The following CCHCR1 variants were observed in gnomAD, a reference collection of about 807,000 sequenced individuals.
The protein encoded by CCHCR1 is coiled-coil alpha-helical rod protein 1.
Under a neutral mutation model 114.6 loss-of-function variants are expected in CCHCR1, and 91 were observed. The observed-to-expected ratio is 0.79, with a 90% CI of 0.67 to 0.94. The LOEUF (loss-of-function observed/expected upper bound fraction) is 0.94. CCHCR1 is among the 40% of genes least tolerant of loss of function. CCHCR1 has a pLI of 0.00. For missense variants in CCHCR1, 899 were observed against 1,079.9 expected (o/e 0.83, Z 2.35); for synonymous variants, 379 against 428.5 (o/e 0.88, Z 1.43).
At position 31,144,367 on chromosome 6, in the gene CCHCR1, G is replaced by C. The variant is rs1056887207; in HGVS notation, c.2167+320C>G. Among the ~76,000 whole-genome samples, 1 of 152,022 alleles carries C rather than the reference G, an allele frequency of 6.6e-6. No individual in the cohort carries two copies. Among genetic ancestry groups the C allele is most frequent in the Non-Finnish European group, 1.5e-5 (1 of 68,012 alleles). On this transcript the variant is annotated intron_variant, in intron 15 of 17. Coordinates refer to ENST00000396268, the MANE Select transcript of CCHCR1 (RefSeq NM_001105564.2). This position sits in a 1 kb window ranked among gnomAD's most constrained non-coding sequence, Gnocchi z 4.6. ...CCACCACCAGGCCTAGCTAATTTTT[G>C]TATTTTTAGTCGAGACAGGGTTTCG... is the stretch of plus-strand genomic sequence containing the variant.
chr6:31,157,408 C>T lies in CCHCR1; in HGVS notation c.193G>A (p.Asp65Asn), dbSNP rs750706102. 1 of 1,613,002 alleles carries T rather than the reference C, an allele frequency of 6.2e-7. No homozygotes were observed. The highest frequency in any genetic ancestry group is 8.5e-7 in the Non-Finnish European group (1 of 1,179,990). Residue 65 changes from aspartate (D) to asparagine (N), a missense_variant, in exon 1 of 18, where the codon GAC becomes AAC. Asp to Asn is a conservative substitution (Grantham distance 23). Transcript: ENST00000396268. ...ACCCTCCTCCTTAAGTTTCTATGGT[C>T]CCTGCTGCTCCTGGCCAGAGGTGAG... ...PFSPLARSSRDHRNLRRRGNI... is the reference protein window; with the variant it reads ...PFSPLARSSRNHRNLRRRGNI...
At chr6:31,148,595 G>A in intron 9 of CCHCR1, 23 bp downstream of exon 9, 1 of 1,600,910 alleles carries the variant, frequency 6.2e-7, no homozygotes, top group Non-Finnish European at 8.6e-7. Flanking sequence ...CCCTCCCCGA[G>A]TCTCTAGTAG....
At position 31,145,821 on chromosome 6, in the gene CCHCR1, C is replaced by G. The variant is rs765597534; in HGVS notation, c.1581-13G>C. On this transcript the variant is annotated splice_polypyrimidine_tract_variant and intron_variant, in intron 10 of 17. Transcript: ENST00000396268. ...CCAGATCTGAGAGCTGGAGAGGGCACAAGTCACTGATCCTCCATGCCTCCC... is the reference window on the plus strand; with the variant it reads ...CCAGATCTGAGAGCTGGAGAGGGCAGAAGTCACTGATCCTCCATGCCTCCC... The G allele has an allele frequency of 1.3e-6, 2 of 1,539,146 alleles. No individual in the cohort carries two copies. Among genetic ancestry groups the G allele is most frequent in the Non-Finnish European group, 9.0e-7 (1 of 1,112,868 alleles).
At position 31,150,242 on chromosome 6, in the gene CCHCR1, T is replaced by C. The variant is rs1265112; in HGVS notation, c.1213-27A>G. 0.3 allele frequency: 488,806 copies of C among 1,609,614 alleles called. 76,978 individuals are homozygous for C. Among genetic ancestry groups the C allele is most frequent in the Middle Eastern group, 0.34 (1,970 of 5,814 alleles). ...TGAGGGAGAAGGAGTGGGAGAAAAG[T>C]GTGGGCTCCTGGGGGAGGAGAGGAA... On this transcript the variant is annotated intron_variant, in intron 7 of 17. Coordinates refer to ENST00000396268, the MANE Select transcript of CCHCR1 (RefSeq NM_001105564.2). The surrounding 1 kb of genome is among the most constrained non-coding windows in gnomAD (Gnocchi z 5.3).
rs1217711449 is a variant in CCHCR1 at position 31,154,708 on chromosome 6, C to T, written c.589G>A (p.Val197Ile). The stretch of plus-strand genomic sequence containing the variant: ...AGCGAGGTCTCCCGCAGGAGCCGGA[C>T]CTCCTCCTCCAGCCGCCGCAGCTCT... ...LQELRRLEEE[V>I]RLLRETSLQQ... The change falls in exon 4 of 18, where the codon GTC becomes ATC. Residue 197 changes from valine to isoleucine, a missense_variant. By Grantham distance (29) the Val-to-Ile change is conservative. Transcript: ENST00000396268. The surrounding 1 kb of genome is among the most constrained non-coding windows in gnomAD (Gnocchi z 4.1). 7.5e-6 allele frequency: 12 copies of T among 1,609,138 alleles called. No individual in the cohort carries two copies. The highest frequency in any genetic ancestry group is 1.6e-4 in the Middle Eastern group (1 of 6,082).
chr6:31,157,898 A>C (rs1776328184), upstream of CCHCR1: 1 of 486,074 alleles, frequency 2.1e-6, no homozygotes, highest in Admixed American at 3.6e-5. Flanking sequence ...TTTCTGAAGG[A>C]ATTATTCTGG....
rs774483241 is a variant in CCHCR1, at chr6:31,156,939, T to G, written c.289A>C (p.Thr97Pro). Residue 97 changes from threonine to proline, a missense_variant, in exon 3 of 18, where the codon ACT (threonine) becomes CCT (proline). Transcript: ENST00000396268. ...AAGTGGGAGGGGGGAATCAGCCCAG[T>G]GGAACCTGAAGAATTACAAAAACAA... Reference protein sequence around the residue: ...NVEMFPPSGSTGLIPPSHFQA... With the variant: ...NVEMFPPSGSPGLIPPSHFQA... 6.2e-7 allele frequency: 1 copy of G among 1,612,746 alleles called. No individual in the cohort carries two copies. The highest frequency in any genetic ancestry group is 1.7e-5 in the Admixed American group (1 of 60,004).
Position 31,144,979 on chromosome 6 carries a change from CT to C in CCHCR1, c.1970del (p.Gln657ArgfsTer4). 1 of 1,608,834 alleles carries C rather than the reference CT, an allele frequency of 6.2e-7. No individual in the cohort carries two copies. Among genetic ancestry groups the C allele is most frequent in the East Asian group, 2.2e-5 (1 of 44,870 alleles). On this transcript the variant is annotated frameshift_variant, in exon 14 of 18. Transcript: ENST00000396268. LOFTEE classifies it high-confidence loss of function. The surrounding 1 kb of genome is among the most constrained non-coding windows in gnomAD (Gnocchi z 4.6). The stretch of plus-strand genomic sequence containing the variant: ...GCTGGCCCTGGCGTGCTACCTCCAG[CT>C]GCAGCCCCAAGCTAGCCAGGGACTC... ...TQESLASLGLQLEVARQGQQE... is the reference protein window; with the variant it reads ...TQESLASLGLXLEVARQGQQE...
chr6:31,146,646 T>C (rs1381674222), intron 10 of CCHCR1, among the ~76,000 whole-genome samples: 2 of 152,172 alleles, frequency 1.3e-5, no homozygotes, highest in Admixed American at 6.5e-5. Flanking sequence ...ATTGTTCCAG[T>C]AGATGCTTCC....
chr6:31,157,421 G>C lies in CCHCR1; in HGVS notation c.180C>G (p.Ala60=). The C allele has an allele frequency of 6.2e-7, 1 of 1,613,026 alleles. No homozygotes were observed. The highest frequency in any genetic ancestry group is 8.5e-7 in the Non-Finnish European group (1 of 1,179,988). The change falls in exon 1 of 18, where the codon GCC becomes GCG. Residue 60 remains alanine (A), a synonymous_variant. Transcript: ENST00000396268. ...AGTTTCTATGGTCCCTGCTGCTCCTGGCCAGAGGTGAGAAAGGAGGTACAC... is the reference window on the plus strand; with the variant it reads ...AGTTTCTATGGTCCCTGCTGCTCCTCGCCAGAGGTGAGAAAGGAGGTACAC... ...LHCVPPFSPL[A]RSSRDHRNLR...
intron 11 of CCHCR1, 57 bp from the exon 12 acceptor site, chr6:31,145,550 G>T: frequency 6.4e-7 from 1 of 1,562,670 alleles, no homozygotes; most frequent in South Asian, 1.1e-5. Flanking sequence ...AGAAAGTGGG[G>T]ACAGGGAGTA....
intron 8 of CCHCR1, 88 bp from the exon 9 acceptor site, chr6:31,148,816 C>G: frequency 3.5e-6 from 1 of 287,514 alleles, no homozygotes; most frequent in East Asian, 1.0e-4. Flanking sequence ...GCAGAGATCT[C>G]TGTAAGAATG....
Position 31,143,493 on chromosome 6 carries a change from C to T in CCHCR1, c.2168-80G>A, listed in dbSNP as rs1252576187. 8.1e-6 allele frequency: 12 copies of T among 1,480,834 alleles called. No individual in the cohort carries two copies. The highest frequency in any genetic ancestry group is 2.4e-5 in the South Asian group (2 of 82,978). 91.7% of individuals were successfully genotyped at this position (1,480,834 alleles called of 1,614,324 possible). A position where few individuals can be genotyped will look rare whatever the true frequency, so the allele number is the denominator to read the frequency against. On this transcript the variant is annotated intron_variant, in intron 15 of 17. Coordinates refer to ENST00000396268, the MANE Select transcript of CCHCR1 (RefSeq NM_001105564.2). The surrounding 1 kb of genome is among the most constrained non-coding windows in gnomAD (Gnocchi z 5.3). ...CAGGCACCATGAAGACAGGAACAAA[C>T]GCTGGGTCACCAACTCTGTGGCTTG...
Position 31,150,626 on chromosome 6 carries a change from C to A in CCHCR1, c.1102-61G>T. 1 of 1,590,276 alleles carries A rather than the reference C, an allele frequency of 6.3e-7. No homozygotes were observed. The highest frequency in any genetic ancestry group is 8.6e-7 in the Non-Finnish European group (1 of 1,164,448). ...TCCATGCCGCCTTAGGTACCACCTTCTCTCCCGGAGGCTGTGCTCTACACG... is the reference window on the plus strand; with the variant it reads ...TCCATGCCGCCTTAGGTACCACCTTATCTCCCGGAGGCTGTGCTCTACACG... On this transcript the variant is annotated intron_variant, in intron 6 of 17. Transcript: ENST00000396268. This position sits in a 1 kb window ranked among gnomAD's most constrained non-coding sequence, Gnocchi z 5.3.
Position 31,145,451 on chromosome 6 carries a change from TC to T in CCHCR1, c.1735del (p.Glu579ArgfsTer12). On this transcript the variant is annotated frameshift_variant, in exon 12 of 18. Coordinates refer to ENST00000396268, the MANE Select transcript of CCHCR1 (RefSeq NM_001105564.2). LOFTEE classifies it high-confidence loss of function. The stretch of plus-strand genomic sequence containing the variant: ...CCTCAAAGTGCCCAAACTTCACCTC[TC>T]CTGGCGCAGCTGAGCAAGGGCAAGC... Reference protein sequence around the residue: ...RKLALAQLRQESCPLPPPVTD... With the variant: ...RKLALAQLRQXSCPLPPPVTD... 2 of 1,614,014 alleles carry T rather than the reference TC, an allele frequency of 1.2e-6. No homozygotes were observed. The highest frequency in any genetic ancestry group is 1.7e-6 in the Non-Finnish European group (2 of 1,180,012).
Position 31,154,719 on chromosome 6 carries a change from A to G in CCHCR1, c.578T>C (p.Leu193Pro). ...IVRQLQELRRLEEEVRLLRET... is the reference protein window; with the variant it reads ...IVRQLQELRRPEEEVRLLRET... ...CCGCAGGAGCCGGACCTCCTCCTCC[A>G]GCCGCCGCAGCTCTTGCAGCTGCCG... The change falls in exon 4 of 18, where the codon CTG becomes CCG. Residue 193 changes from leucine (L) to proline (P), a missense_variant. By Grantham distance (98) the Leu-to-Pro change is moderately conservative (BLOSUM62 -3). Transcript: ENST00000396268. This position sits in a 1 kb window ranked among gnomAD's most constrained non-coding sequence, Gnocchi z 4.1. The G allele has an allele frequency of 6.2e-7, 1 of 1,608,616 alleles. No homozygotes were observed. Among genetic ancestry groups the G allele is most frequent in the Non-Finnish European group, 8.5e-7 (1 of 1,179,702 alleles).
At chr6:31,157,227 C>A in intron 1 of CCHCR1, 138 bp from the exon 2 acceptor site, 1 of 1,006,488 alleles carries the variant, frequency 9.9e-7, no homozygotes, top group East Asian at 2.5e-5. Flanking sequence ...TCCTACTTCC[C>A]CAAAGTAGGA....
In CCHCR1 at chr6:31,154,600, C is replaced by G. The variant is rs996478108; in HGVS notation, c.697G>C (p.Glu233Gln). ...RAEKAGRAEA[E>Q]GLRAALAGAE... ...CCAGCCAAAGCAGCACGCAGGCCCT[C>G]AGCCTCAGCTCGGCCGGCCTTCTCC... Residue 233 changes from glutamate to glutamine, a missense_variant, in exon 4 of 18, where the codon GAG becomes CAG. Glu to Gln is a conservative substitution (Grantham distance 29, BLOSUM62 2). Coordinates refer to ENST00000396268, the MANE Select transcript of CCHCR1 (RefSeq NM_001105564.2). This position sits in a 1 kb window ranked among gnomAD's most constrained non-coding sequence, Gnocchi z 4.1. 3 of 1,612,986 alleles carry G rather than the reference C, an allele frequency of 1.9e-6. No individual in the cohort carries two copies. In the East Asian group the frequency reaches 6.7e-5, roughly 36 times the overall value.
Position 31,142,561 on chromosome 6 carries a change from C to G in CCHCR1, c.*31G>C, listed in dbSNP as rs367716065. 9.4e-4 allele frequency: 1,511 copies of G among 1,599,874 alleles called. 2 individuals carry two copies. Among genetic ancestry groups the G allele is most frequent in the Non-Finnish European group, 1.2e-3 (1,410 of 1,171,058 alleles). ...ACTTCTCCAGGATCCTCCCAGCCCC[C>G]AGGCTGGCTTTCCCTCCAACTGTCA... On this transcript the variant is annotated 3_prime_UTR_variant, in exon 18 of 18. Transcript: ENST00000396268.
Sources: allele counts gnomAD v4.1 joint callset (sites outside exome capture counted in the v4.1 genomes callset), GRCh38; gene constraint gnomAD v4.1.1; non-coding constraint Gnocchi (gnomAD v3.1); transcripts MANE v1.5; gene names NCBI Gene and HGNC (gene_info 2026-07-23, HGNC 2026-07-21).